Variants in HPCAL1 observed in about 807,000 individuals in gnomAD.
HPCAL1 encodes the protein hippocalcin like 1.
HPCAL1 carries 8 observed loss-of-function variants against 17.1 expected under a neutral mutation model. The ratio of observed to expected loss-of-function variants is 0.47; its 90% CI spans 0.27 to 0.84. HPCAL1 has a LOEUF of 0.84. HPCAL1 is among the 40% of genes least tolerant of loss of function. The pLI is 0.13. For missense variants in HPCAL1, 165 were observed against 271.1 expected (o/e 0.61, Z 2.75); for synonymous variants, 112 against 111.4 (o/e 1.01, Z -0.03).
intron 1 of HPCAL1, among the ~76,000 whole-genome samples, chr2:10,371,222 G>A (rs1402982434): frequency 3.3e-5 from 5 of 152,306 alleles, no homozygotes; most frequent in Non-Finnish European, 5.9e-5. Flanking sequence ...GCTGGCCACC[G>A]GGGTTGGAGG....
rs548561860 is a variant in HPCAL1, at chr2:10,385,725, G to T, written c.-110-11110G>T. Among the ~76,000 whole-genome samples, 9 of 152,302 alleles carry T rather than the reference G, an allele frequency of 5.9e-5. No individual in the cohort carries two copies. In the East Asian group the frequency reaches 1.7e-3, roughly 29 times the overall value. ...GTGGGAACCCAGAGGCTGCTCATTT[G>T]CAGGGAATGAATAATTTATTTCTGT... is the stretch of plus-strand genomic sequence containing the variant. On this transcript the variant is annotated intron_variant, in intron 1 of 4. Coordinates refer to ENST00000307845, the MANE Select transcript of HPCAL1 (RefSeq NM_002149.4).
intron 1 of HPCAL1, among the ~76,000 whole-genome samples, chr2:10,364,238 C>T (rs1427000745): frequency 1.3e-5 from 2 of 152,190 alleles, no homozygotes; most frequent in Non-Finnish European, 2.9e-5. Flanking sequence ...GAGCTGGGCC[C>T]AGAGCCCCCA....
chr2:10,388,256 C>T lies in HPCAL1; in HGVS notation c.-110-8579C>T, dbSNP rs537662145. Among the ~76,000 whole-genome samples, 20 of 152,324 alleles carry T rather than the reference C, an allele frequency of 1.3e-4. No individual in the cohort carries two copies. In the East Asian group the frequency reaches 3.3e-3, roughly 25 times the overall value. ...TTTCCCCTGTGGCTGCCTCACTGTT[C>T]TGATGTTGGCAAAGGTTTGTTTTAT... On this transcript the variant is annotated intron_variant, in intron 1 of 4. Coordinates refer to ENST00000307845, the MANE Select transcript of HPCAL1 (RefSeq NM_002149.4).
At chr2:10,320,530 A>G (rs1319950900) in intron 1 of HPCAL1, among the ~76,000 whole-genome samples, 1 of 152,226 alleles carries the variant, frequency 6.6e-6, no homozygotes, top group Non-Finnish European at 1.5e-5. Flanking sequence ...CTTCCTGTGC[A>G]GTATGTGGAA....
At chr2:10,404,890 G>A (rs886524585) in intron 2 of HPCAL1, among the ~76,000 whole-genome samples, 2 of 152,086 alleles carry the variant, frequency 1.3e-5, no homozygotes, top group African/African-American at 4.8e-5. Flanking sequence ...GGGCTCGCCA[G>A]GCAGTGCAGA....
chr2:10,383,255 C>T (rs1280501020), intron 1 of HPCAL1, among the ~76,000 whole-genome samples: 2 of 151,570 alleles, frequency 1.3e-5, no homozygotes, highest in East Asian at 4.0e-4. Context: ...GCCTGTGGTC[C>T]CAGCTACTCA....
rs1665317083 is a variant in HPCAL1, at chr2:10,344,899, C to T, written c.-111+41722C>T. ...TCTGCCTCTCTCTATGTGTCCGTTT[C>T]TCTTTCTCTCTGTGTGTCTCTCTCT... On this transcript the variant is annotated intron_variant, in intron 1 of 4. Coordinates refer to ENST00000307845, the MANE Select transcript of HPCAL1 (RefSeq NM_002149.4). The surrounding 1 kb of genome is among the most constrained non-coding windows in gnomAD (Gnocchi z 4.9). Among the ~76,000 whole-genome samples, 1 of 149,252 alleles carries T rather than the reference C, an allele frequency of 6.7e-6. No homozygotes were observed. Among genetic ancestry groups the T allele is most frequent in the African/African-American group, 2.4e-5 (1 of 41,224 alleles).
intron 2 of HPCAL1, among the ~76,000 whole-genome samples, chr2:10,415,869 T>TGAACA (rs1359134547): frequency 6.6e-6 from 1 of 152,226 alleles, no homozygotes; most frequent in Non-Finnish European, 1.5e-5. Flanking sequence ...AAGTGACATG[T>TGAACA]GAACACCTAG....
In HPCAL1 at chr2:10,363,439, C is replaced by G. The variant is rs942311359; in HGVS notation, c.-110-33396C>G. ...ATCGACTGAAGAACCTCGGGGCTTT[C>G]TTGGCTGTTTGTAGGAGCTTCCAGA... On this transcript the variant is annotated intron_variant, in intron 1 of 4. Transcript: ENST00000307845. This position sits in a 1 kb window ranked among gnomAD's most constrained non-coding sequence, Gnocchi z 4.7. 1.3e-5 allele frequency among the ~76,000 whole-genome samples: 2 copies of G among 152,196 alleles called. No individual in the cohort carries two copies. Among genetic ancestry groups the G allele is most frequent in the African/African-American group, 4.8e-5 (2 of 41,450 alleles).
intron 2 of HPCAL1, among the ~76,000 whole-genome samples, chr2:10,406,524 G>A (rs753568634): frequency 8.5e-5 from 13 of 152,388 alleles, no homozygotes; most frequent in Admixed American, 3.9e-4. Context: ...AACCAGTCCA[G>A]AGACTCCACT....
rs1384445487 is a variant in HPCAL1, at chr2:10,365,669, G to T, written c.-110-31166G>T. On this transcript the variant is annotated intron_variant, in intron 1 of 4. Coordinates refer to ENST00000307845, the MANE Select transcript of HPCAL1 (RefSeq NM_002149.4). This position sits in a 1 kb window ranked among gnomAD's most constrained non-coding sequence, Gnocchi z 4.8. ...GCCAAAGGTGTGGCAACAGCTAACA[G>T]GTGCTTGGTGGTCCCCGCCCACCCT... Among the ~76,000 whole-genome samples, 1 of 152,018 alleles carries T rather than the reference G, an allele frequency of 6.6e-6. No individual in the cohort carries two copies.
rs1666807031 is a variant in HPCAL1, at chr2:10,365,721, G to A, written c.-110-31114G>A. ...CTTCAGGCTCCCTACACCCACCTGA[G>A]TGGGCCTTTCTGTGTTCACTTCAGG... On this transcript the variant is annotated intron_variant, in intron 1 of 4. Transcript: ENST00000307845. This position sits in a 1 kb window ranked among gnomAD's most constrained non-coding sequence, Gnocchi z 4.8. 6.6e-6 allele frequency among the ~76,000 whole-genome samples: 1 copy of A among 152,158 alleles called. No individual in the cohort carries two copies. The highest frequency in any genetic ancestry group is 2.4e-5 in the African/African-American group (1 of 41,440).
chr2:10,334,790 A>G (rs550561205), intron 1 of HPCAL1, among the ~76,000 whole-genome samples: 12 of 151,398 alleles, frequency 7.9e-5, no homozygotes, highest in African/African-American at 2.9e-4. Flanking sequence ...GGCTCAAGCA[A>G]TCTTCCCACC....
At chr2:10,411,405 C>T (rs925575268) in intron 2 of HPCAL1, among the ~76,000 whole-genome samples, 2 of 152,214 alleles carry the variant, frequency 1.3e-5, no homozygotes, top group Admixed American at 6.5e-5. Flanking sequence ...GGAGTGACCC[C>T]ACTTTCCCAG....
At chr2:10,413,616 C>G (rs1440773628) in intron 2 of HPCAL1, among the ~76,000 whole-genome samples, 4 of 152,226 alleles carry the variant, frequency 2.6e-5, no homozygotes, top group Non-Finnish European at 5.9e-5. Flanking sequence ...CCCAGCAGAC[C>G]ATGATGCACT....
chr2:10,356,889 A>T (rs12621651), intron 1 of HPCAL1, among the ~76,000 whole-genome samples: 77,333 of 151,950 alleles, frequency 0.51, 20,766 homozygotes, highest in East Asian at 0.81. Context: ...CATATCCACA[A>T]CTGTAGAGTG....
intron 1 of HPCAL1, among the ~76,000 whole-genome samples, chr2:10,389,132 C>T (rs142913630): frequency 2.0e-3 from 304 of 152,300 alleles, no homozygotes; most frequent in African/African-American, 6.8e-3. Flanking sequence ...GTCAGTTTAC[C>T]ACTGCCATGG....
In HPCAL1 at chr2:10,365,304, C is replaced by A. The variant is rs1240866330; in HGVS notation, c.-110-31531C>A. On this transcript the variant is annotated intron_variant, in intron 1 of 4. Coordinates refer to ENST00000307845, the MANE Select transcript of HPCAL1 (RefSeq NM_002149.4). The surrounding 1 kb of genome is among the most constrained non-coding windows in gnomAD (Gnocchi z 4.8). Reference sequence around the variant, plus strand: ...ATCCAGTGGGTGCCCTCACTGTGCACCTGCCTCCAGGTGGTGGCGCGGTAA... The same window carrying A: ...ATCCAGTGGGTGCCCTCACTGTGCAACTGCCTCCAGGTGGTGGCGCGGTAA... Among the ~76,000 whole-genome samples, 4 of 152,194 alleles carry A rather than the reference C, an allele frequency of 2.6e-5. No homozygotes were observed. The highest frequency in any genetic ancestry group is 1.3e-4 in the Admixed American group (2 of 15,288).
At chr2:10,420,573 C>A (rs112016548) in intron 3 of HPCAL1, among the ~76,000 whole-genome samples, 1 of 151,986 alleles carries the variant, frequency 6.6e-6, no homozygotes, top group Admixed American at 6.6e-5. Context: ...GGAAAGTGAG[C>A]AGTTGTCACC....
Sources: allele counts gnomAD v4.1 joint callset (sites outside exome capture counted in the v4.1 genomes callset), GRCh38; gene constraint gnomAD v4.1.1; non-coding constraint Gnocchi (gnomAD v3.1); transcripts MANE v1.5; gene names NCBI Gene and HGNC (gene_info 2026-07-23, HGNC 2026-07-21).